The following CDKL5 variants were observed in gnomAD, a reference collection of about 807,000 sequenced individuals.
The protein encoded by CDKL5 is cyclin dependent kinase like 5.
Under a neutral mutation model 61.7 loss-of-function variants are expected in CDKL5, and 8 were observed. The ratio of observed to expected loss-of-function variants is 0.13; its 90% CI spans 0.08 to 0.23. The LOEUF is 0.23. Ranked by LOEUF, CDKL5 falls within the 10% of genes least tolerant of loss-of-function variation. The pLI is 1.00. For missense variants in CDKL5, 440 were observed against 734.5 expected, an observed-to-expected ratio of 0.60 and a Z score of 4.63; for synonymous variants, 275 against 272.3, an observed-to-expected ratio of 1.01 and a Z score of -0.10.
chrX:18,516,415 T>C (rs932583311), intron 3 of CDKL5, among the ~76,000 whole-genome samples: 3 of 110,946 alleles, frequency 2.7e-5, no homozygotes, highest in Non-Finnish European at 3.8e-5. Flanking sequence ...GTTTTGTTGC[T>C]GATCCAATTA....
chrX:18,613,049 C>A, intron 14 of CDKL5, 103 bp from the exon 15 acceptor site: 1 of 686,072 alleles, frequency 1.5e-6, no homozygotes, highest in South Asian at 2.4e-5. Context: ...GAGCCGAGAT[C>A]ACGCCACTGC....
rs1303812691 is a variant in CDKL5 at position 18,631,916 on chromosome X, A to G, written c.*3159A>G. 2.1e-5 allele frequency: 15 copies of G among 721,718 alleles called. No homozygotes were observed. The highest frequency in any genetic ancestry group is 2.3e-5 in the African/African-American group (1 of 42,639). The allele number at this position is 721,718 out of a possible 1,213,427, so 59.5% of individuals were successfully genotyped here. ...TCAACTAGGGGCAGATTTACCCCCA[A>G]GGGTACATTTGGCAATGTCTGGGGA... On this transcript the variant is annotated 3_prime_UTR_variant, in exon 18 of 18. Coordinates refer to ENST00000623535, the MANE Select transcript of CDKL5 (RefSeq NM_001323289.2).
intron 3 of CDKL5, among the ~76,000 whole-genome samples, chrX:18,549,494 A>G (rs1924312254): frequency 8.9e-6 from 1 of 112,224 alleles, no homozygotes; most frequent in Admixed American, 9.5e-5. Context: ...TTTAGCAGGG[A>G]TAATACTTTT....
intron 13 of CDKL5, 80 bp from the exon 14 acceptor site, chrX:18,609,385 C>A: frequency 8.3e-7 from 1 of 1,205,007 alleles, no homozygotes; most frequent in Non-Finnish European, 1.1e-6. Flanking sequence ...TAGAGTGAGA[C>A]CCTGTCTCAA....
intron 3 of CDKL5, among the ~76,000 whole-genome samples, chrX:18,527,536 CTG>C (rs1406705483): frequency 9.0e-6 from 1 of 111,323 alleles, no homozygotes; most frequent in Non-Finnish European, 1.9e-5. Context: ...TTATAATAAT[CTG>C]TTATTTTCCT....
At chrX:18,580,752 TTTAGA>T (rs1225384126) in intron 6 of CDKL5, among the ~76,000 whole-genome samples, 4 of 112,138 alleles carry the variant, frequency 3.6e-5, no homozygotes, top group African/African-American at 9.7e-5. Context: ...ACTTTTTGTC[TTTAGA>T]TTAGCAGATA....
At chrX:18,528,230 C>G (rs1027918081) in intron 3 of CDKL5, among the ~76,000 whole-genome samples, 5 of 104,215 alleles carry the variant, frequency 4.8e-5, no homozygotes, top group African/African-American at 1.8e-4. Flanking sequence ...CATAGATACC[C>G]ATACTCATTT....
chrX:18,591,149 A>G (rs1306344264), intron 9 of CDKL5, among the ~76,000 whole-genome samples: 1 of 111,032 alleles, frequency 9.0e-6, no homozygotes, highest in Non-Finnish European at 1.9e-5. Context: ...CCTCCATCCT[A>G]GTCTTTCTCT....
At chrX:18,569,426 A>T (rs911621171) in intron 4 of CDKL5, among the ~76,000 whole-genome samples, 3 of 112,036 alleles carry the variant, frequency 2.7e-5, no homozygotes, top group African/African-American at 9.7e-5. Context: ...GATCATAAAG[A>T]TACTAGAGAT....
intron 3 of CDKL5, among the ~76,000 whole-genome samples, chrX:18,548,872 T>TA (rs2147120785): frequency 8.9e-6 from 1 of 112,276 alleles, no homozygotes; most frequent in South Asian, 3.7e-4. Flanking sequence ...AGCAGCCATA[T>TA]CTCTCATGAA....
At chrX:18,564,559 A>T (rs1924905249) in intron 4 of CDKL5, 37 bp downstream of exon 4, 1 of 549,827 alleles carries the variant, frequency 1.8e-6, no homozygotes, top group Non-Finnish European at 2.5e-6. Flanking sequence ...ATCTGTATAT[A>T]TGTATTTTTC....
rs373111212 is a variant in CDKL5, at chrX:18,583,187, T to C, written c.464-1076T>C. ...AGTTATAAATATAAAAGAATGCCCA[T>C]AGAATGGTTAGTAGTAGGAAGAGTA... On this transcript the variant is annotated intron_variant, in intron 7 of 17. Transcript: ENST00000623535. Among the ~76,000 whole-genome samples the C allele has an allele frequency of 8.1e-5, 9 of 111,530 alleles. No individual in the cohort carries two copies. The East Asian group carries it at 2.3e-3, about 28-fold the overall frequency.
At chrX:18,426,610 A>G (rs948530313) in intron 1 of CDKL5, 11 of 112,793 alleles carry the variant, frequency 9.8e-5, no homozygotes, top group African/African-American at 3.5e-4. Context: ...GTTGCAGATC[A>G]GTATTCTGTT....
At chrX:18,542,659 A>T (rs868268610) in intron 3 of CDKL5, among the ~76,000 whole-genome samples, 45 of 95,944 alleles carry the variant, frequency 4.7e-4, no homozygotes, top group African/African-American at 1.6e-3. Context: ...TAATATGATG[A>T]TTTTTTTTTT....
intron 14 of CDKL5, among the ~76,000 whole-genome samples, chrX:18,612,726 T>C (rs1207932979): frequency 9.1e-6 from 1 of 110,405 alleles, no homozygotes; most frequent in Non-Finnish European, 1.9e-5. Flanking sequence ...GTCAGTTTAC[T>C]GTTTTCAATA....
intron 16 of CDKL5, among the ~76,000 whole-genome samples, chrX:18,622,842 C>A (rs1170128710): frequency 8.9e-6 from 1 of 111,823 alleles, no homozygotes; most frequent in Non-Finnish European, 1.9e-5. Context: ...TCTAGGAGCT[C>A]TCCTCTGGCC....
chrX:18,431,367 C>T (rs1229046440), intron 1 of CDKL5, among the ~76,000 whole-genome samples: 1 of 111,325 alleles, frequency 9.0e-6, no homozygotes, highest in Non-Finnish European at 1.9e-5. Context: ...TTGGCCAAAG[C>T]AGGACCATAT....
At chrX:18,451,052 T>C (rs891304893) in intron 1 of CDKL5, among the ~76,000 whole-genome samples, 4 of 111,379 alleles carry the variant, frequency 3.6e-5, no homozygotes, top group African/African-American at 6.5e-5. Context: ...GGAGTAAAAA[T>C]AGGGTATATT....
chrX:18,651,132 C>T (rs1299895622), intron 21 of CDKL5, among the ~76,000 whole-genome samples: 5 of 101,161 alleles, frequency 4.9e-5, no homozygotes, highest in Admixed American at 1.1e-4. Context: ...CCCCCACCAC[C>T]GCACCCCCCG....
Sources: allele counts gnomAD v4.1 joint callset (sites outside exome capture counted in the v4.1 genomes callset), GRCh38; gene constraint gnomAD v4.1.1; transcripts MANE v1.5; gene names NCBI Gene and HGNC (gene_info 2026-07-23, HGNC 2026-07-21).